The following MYLIP variants were observed in gnomAD, a reference collection of about 807,000 sequenced individuals.
MYLIP encodes the protein myosin regulatory light chain interacting protein, also known as E3 ubiquitin-protein ligase MYLIP.
Under a neutral mutation model 45.8 loss-of-function variants are expected in MYLIP, and 26 were observed. The observed-to-expected ratio is 0.57, with a 90% CI of 0.42 to 0.79. MYLIP has a LOEUF of 0.79. Ranked by LOEUF, MYLIP falls within the 30% of genes least tolerant of loss-of-function variation. MYLIP has a pLI of 0.00. For missense variants in MYLIP, 494 were observed against 555.6 expected (o/e 0.89, Z 1.11); for synonymous variants, 213 against 218.1 (o/e 0.98, Z 0.21).
At chr6:16,162,387 C>T in the MYLIP span, among the ~76,000 whole-genome samples, 1 of 152,104 alleles carries the variant, frequency 6.6e-6, no homozygotes, top group African/African-American at 2.4e-5. Context: ...CAAAAAACAC[C>T]ATTCCAACAG....
In MYLIP at chr6:16,141,829, G is replaced by A; in HGVS notation, c.464+19G>A. ...TGAACAGGTGAGGCTGTTGAATATA[G>A]TATTGTTTACAACTAGAATAGGCTT... On this transcript the variant is annotated intron_variant, in intron 3 of 6. Transcript: ENST00000356840. The A allele has an allele frequency of 1.3e-6, 2 of 1,588,620 alleles. No homozygotes were observed. Among genetic ancestry groups the A allele is most frequent in the Non-Finnish European group, 1.7e-6 (2 of 1,162,788 alleles).
At chr6:16,161,828 T>C in the MYLIP span, among the ~76,000 whole-genome samples, 1 of 152,204 alleles carries the variant, frequency 6.6e-6, no homozygotes, top group African/African-American at 2.4e-5. Flanking sequence ...CCCCTTTATA[T>C]AGTAAAAATG....
the MYLIP span, among the ~76,000 whole-genome samples, chr6:16,162,798 A>C: frequency 6.6e-6 from 1 of 150,874 alleles, no homozygotes. Context: ...AAAAAAAAAA[A>C]AAAAAAAGAA....
chr6:16,131,708 A>C (rs1379667124), intron 2 of MYLIP, among the ~76,000 whole-genome samples: 1 of 152,234 alleles, frequency 6.6e-6, no homozygotes, highest in Non-Finnish European at 1.5e-5. Flanking sequence ...GTAATGATGA[A>C]TGAGCATTAT....
At chr6:16,157,481 T>A in the MYLIP span, among the ~76,000 whole-genome samples, 3 of 152,274 alleles carry the variant, frequency 2.0e-5, no homozygotes, top group East Asian at 5.8e-4. Context: ...AAATTTTGTA[T>A]GTTTTGTTTA....
intron 2 of MYLIP, among the ~76,000 whole-genome samples, chr6:16,131,971 T>C (rs1759467848): frequency 6.6e-6 from 1 of 152,224 alleles, no homozygotes; most frequent in Non-Finnish European, 1.5e-5. Context: ...TCTGTATTAA[T>C]CAGAATAGAC....
At chr6:16,157,028 T>C in the MYLIP span, among the ~76,000 whole-genome samples, 1 of 152,176 alleles carries the variant, frequency 6.6e-6, no homozygotes, top group Non-Finnish European at 1.5e-5. Flanking sequence ...TCACTTAACA[T>C]CCACATGACT....
chr6:16,145,552 A>G (rs1205506629), intron 6 of MYLIP, among the ~76,000 whole-genome samples: 1 of 152,206 alleles, frequency 6.6e-6, no homozygotes, highest in Non-Finnish European at 1.5e-5. Context: ...TCAAGTTCTG[A>G]AAATGAGGCT....
chr6:16,138,263 A>G lies in MYLIP; in HGVS notation c.279-3362A>G, dbSNP rs117271482. On this transcript the variant is annotated intron_variant, in intron 2 of 6. Transcript: ENST00000356840. ...TGCAAAAGCATTCACTGCAGGCATA[A>G]CTTATTTGACCACATCTGCTTGTTT... is the stretch of plus-strand genomic sequence containing the variant. 2.3e-3 allele frequency among the ~76,000 whole-genome samples: 350 copies of G among 152,050 alleles called. 10 individuals carry two copies. The East Asian group carries it at 0.06, about 26-fold the overall frequency.
At chr6:16,161,329 C>T in the MYLIP span, 1 of 290,270 alleles carries the variant, frequency 3.4e-6, no homozygotes, top group Non-Finnish European at 6.8e-6. Context: ...AGATGGGTGC[C>T]CACAATTATC....
At chr6:16,162,806 G>T in the MYLIP span, among the ~76,000 whole-genome samples, 21 of 103,624 alleles carry the variant, frequency 2.0e-4, no homozygotes, top group East Asian at 2.0e-3. Flanking sequence ...AAAAAAAAAA[G>T]AAATTCATTT....
the MYLIP span, among the ~76,000 whole-genome samples, chr6:16,155,990 T>C: frequency 6.6e-6 from 1 of 152,106 alleles, no homozygotes; most frequent in East Asian, 1.9e-4. Flanking sequence ...GAGTGGTGAA[T>C]GTGGAGGATT....
chr6:16,133,581 A>G (rs1222416171), intron 2 of MYLIP, among the ~76,000 whole-genome samples: 1 of 152,192 alleles, frequency 6.6e-6, no homozygotes, highest in African/African-American at 2.4e-5. Context: ...TGTATTCTGG[A>G]AGTAGATCTG....
chr6:16,162,990 CA>C, the MYLIP span, among the ~76,000 whole-genome samples: 2 of 151,786 alleles, frequency 1.3e-5, no homozygotes, highest in African/African-American at 4.9e-5. Context: ...GGATGTAATG[CA>C]TGGAGCTGCT....
chr6:16,145,151 G>C lies in MYLIP; in HGVS notation c.1082G>C (p.Ser361Thr), dbSNP rs1205924825. The C allele has an allele frequency of 6.2e-7, 1 of 1,614,094 alleles. No individual in the cohort carries two copies. Among genetic ancestry groups the C allele is most frequent in the African/African-American group, 1.3e-5 (1 of 74,934 alleles). ...LKSSESSMNC[S>T]SCEGLSCQQT... ...TCCTCAGAAAGCAGCATGAACTGCAGCAGCTGCGAGGGCCTCAGCTGCCAG... is the reference window on the plus strand; with the variant it reads ...TCCTCAGAAAGCAGCATGAACTGCACCAGCTGCGAGGGCCTCAGCTGCCAG... Residue 361 changes from serine to threonine, a missense_variant, in exon 6 of 7, where the codon AGC becomes ACC. Ser to Thr is a moderately conservative substitution (Grantham distance 58, BLOSUM62 1). Transcript: ENST00000356840.
chr6:16,148,253 G>A (rs1341394894), downstream of MYLIP: 1 of 152,460 alleles, frequency 6.6e-6, no homozygotes, highest in South Asian at 2.1e-4. Flanking sequence ...AGCAAACATG[G>A]ATGTGTGTAT....
intron 2 of MYLIP, among the ~76,000 whole-genome samples, chr6:16,132,332 T>C (rs1221342935): frequency 6.6e-6 from 1 of 152,182 alleles, no homozygotes; most frequent in Non-Finnish European, 1.5e-5. Context: ...ATCAAATCAA[T>C]TTTATTCATG....
the MYLIP span, among the ~76,000 whole-genome samples, chr6:16,153,905 C>G: frequency 6.6e-6 from 1 of 152,162 alleles, no homozygotes; most frequent in Non-Finnish European, 1.5e-5. Context: ...CTTCTAAATG[C>G]AAGTGTAACT....
At position 16,129,784 on chromosome 6, in the gene MYLIP, C is replaced by T. The variant is rs1167349858; in HGVS notation, c.87+375C>T. Among the ~76,000 whole-genome samples, 9 of 152,360 alleles carry T rather than the reference C, an allele frequency of 5.9e-5. No homozygotes were observed. Among genetic ancestry groups the T allele is most frequent in the African/African-American group, 1.7e-4 (7 of 41,596 alleles). On this transcript the variant is annotated intron_variant, in intron 1 of 6. Coordinates refer to ENST00000356840, the MANE Select transcript of MYLIP (RefSeq NM_013262.4). This position sits in a 1 kb window ranked among gnomAD's most constrained non-coding sequence, Gnocchi z 5.1. Reference sequence around the variant, plus strand: ...CGGGTCCCCGCGGCGCCTGGCAGTGCCACCCGCGTGCCAGGATGGGATGGA... The same window carrying T: ...CGGGTCCCCGCGGCGCCTGGCAGTGTCACCCGCGTGCCAGGATGGGATGGA...
Sources: gnomAD v4.1 joint callset for allele counts (sites outside exome capture counted in the v4.1 genomes callset) on GRCh38, gnomAD v4.1.1 for gene constraint, Gnocchi (gnomAD v3.1) non-coding constraint, MANE v1.5 for transcripts, NCBI Gene and HGNC (gene_info 2026-07-23, HGNC 2026-07-21) for gene names.